EIF2S1: variants seen among roughly 807,000 people sequenced by gnomAD.
EIF2S1 encodes eukaryotic translation initiation factor 2 subunit 1.
In EIF2S1, 5 loss-of-function variants were observed where a neutral mutation model predicts 33.5. The observed-to-expected ratio is 0.15, with a 90% confidence interval of 0.08 to 0.31. The LOEUF (loss-of-function observed/expected upper bound fraction) is 0.31. Among genes scored for constraint, EIF2S1 ranks in the 10% least tolerant of loss-of-function variants. The pLI is 1.00. For missense variants in EIF2S1, 191 were observed against 384.6 expected (o/e 0.50, Z 4.21); for synonymous variants, 99 against 127.5 (o/e 0.78, Z 1.51).
Position 67,383,564 on chromosome 14 carries a change from T to C in EIF2S1, c.*124T>C. 8 of 1,370,776 alleles carry C rather than the reference T, an allele frequency of 5.8e-6. No homozygotes were observed. The highest frequency in any genetic ancestry group is 7.0e-6 in the Non-Finnish European group (7 of 1,000,630). The allele number at this position is 1,370,776 out of a possible 1,614,324, so 84.9% of individuals were successfully genotyped here. On this transcript the variant is annotated 3_prime_UTR_variant, in exon 8 of 8. Coordinates refer to ENST00000256383, the MANE Select transcript of EIF2S1 (RefSeq NM_004094.5). ...CTGAATATTTTTTATTTCTAAGTAT[T>C]TAAATGTTCTAACAGATCAGAACAT... is the stretch of plus-strand genomic sequence containing the variant.
At chr14:67,382,676 G>T (rs779837895) in intron 7 of EIF2S1, 86 bp downstream of exon 7, 1 of 1,484,294 alleles carries the variant, frequency 6.7e-7, no homozygotes, top group South Asian at 1.1e-5. Flanking sequence ...GTCGGCCTTG[G>T]AATGTCATAT....
intron 5 of EIF2S1, 77 bp from the exon 6 acceptor site, chr14:67,381,516 G>A: frequency 9.1e-7 from 1 of 1,101,966 alleles, no homozygotes; most frequent in Non-Finnish European, 1.4e-6. Flanking sequence ...TAATATATCT[G>A]CCACGTGTTT....
chr14:67,383,784 A>G lies in EIF2S1; in HGVS notation c.*344A>G, dbSNP rs1349634198. 3.3e-6 allele frequency: 1 copy of G among 299,284 alleles called. No individual in the cohort carries two copies. The highest frequency in any genetic ancestry group is 6.6e-6 in the Non-Finnish European group (1 of 152,610). 18.5% of individuals were successfully genotyped at this position (299,284 alleles called of 1,614,324 possible). Reference sequence around the variant, plus strand: ...ATGCCTCACGAGATTTGCCAGGGGCATCCAAGGCAAACAATCCCAATCTTT... The same window carrying G: ...ATGCCTCACGAGATTTGCCAGGGGCGTCCAAGGCAAACAATCCCAATCTTT... On this transcript the variant is annotated 3_prime_UTR_variant, in exon 8 of 8. Coordinates refer to ENST00000256383, the MANE Select transcript of EIF2S1 (RefSeq NM_004094.5).
chr14:67,364,754 G>C lies in EIF2S1; in HGVS notation c.-1-13G>C, dbSNP rs1286709373. On this transcript the variant is annotated splice_polypyrimidine_tract_variant and intron_variant, in intron 1 of 7. Coordinates refer to ENST00000256383, the MANE Select transcript of EIF2S1 (RefSeq NM_004094.5). ...AACTGAATACTTACTTAATTCTTTT[G>C]TTTAAATTGCAGAATGCCGGGTCTA... 6.9e-6 allele frequency: 11 copies of C among 1,589,514 alleles called. No homozygotes were observed. The highest frequency in any genetic ancestry group is 1.1e-5 in the South Asian group (1 of 87,746).
chr14:67,367,825 G>C (rs1369207033), intron 2 of EIF2S1, among the ~76,000 whole-genome samples: 1 of 150,944 alleles, frequency 6.6e-6, no homozygotes, highest in Non-Finnish European at 1.5e-5. Context: ...GATAGAACCA[G>C]ACCTTGTCTC....
chr14:67,362,468 T>C (rs970920534), intron 1 of EIF2S1, among the ~76,000 whole-genome samples: 2 of 152,250 alleles, frequency 1.3e-5, no homozygotes, highest in African/African-American at 4.8e-5. Flanking sequence ...GTTTTCAAAA[T>C]GTTTTTACGT....
intron 2 of EIF2S1, 136 bp from the exon 3 acceptor site, chr14:67,374,332 G>A (rs1018942936): frequency 4.1e-6 from 2 of 485,780 alleles, no homozygotes; most frequent in Non-Finnish European, 7.4e-6. Context: ...TACTTATGCA[G>A]TATTTTGTTG....
chr14:67,384,382 CAT>C lies in EIF2S1; in HGVS notation c.*943_*944del, dbSNP rs2085907248. On this transcript the variant is annotated 3_prime_UTR_variant, in exon 8 of 8. Coordinates refer to ENST00000256383, the MANE Select transcript of EIF2S1 (RefSeq NM_004094.5). The stretch of plus-strand genomic sequence containing the variant: ...ACTTACTGTTGTTTTTTTTTTTTTA[CAT>C]GTTTCCATCATTTCTGTCTTTAAGA... The C allele has an allele frequency of 7.0e-6, 1 of 143,774 alleles. No individual in the cohort carries two copies. The highest frequency in any genetic ancestry group is 1.5e-5 in the Non-Finnish European group (1 of 66,812). 8.9% of individuals were successfully genotyped at this position (143,774 alleles called of 1,614,324 possible).
At chr14:67,361,291 T>C (rs2141122314) in intron 1 of EIF2S1, among the ~76,000 whole-genome samples, 1 of 152,356 alleles carries the variant, frequency 6.6e-6, no homozygotes, top group Admixed American at 6.5e-5. Context: ...TGAGTTGTTA[T>C]TCAAGGAACA....
intron 5 of EIF2S1, 131 bp from the exon 6 acceptor site, chr14:67,381,462 A>T: frequency 4.3e-6 from 2 of 469,982 alleles, no homozygotes; most frequent in Non-Finnish European, 7.8e-6. Context: ...TAAATAAGGA[A>T]CTGCAGTATA....
At chr14:67,365,983 G>A (rs978973520) in intron 2 of EIF2S1, among the ~76,000 whole-genome samples, 8 of 151,858 alleles carry the variant, frequency 5.3e-5, no homozygotes, top group African/African-American at 1.9e-4. Flanking sequence ...CTATAGCCCC[G>A]CCCAAAATTA....
At position 67,374,500 on chromosome 14, in the gene EIF2S1, C is replaced by A; in HGVS notation, c.274C>A (p.Pro92Thr). 2 of 1,606,560 alleles carry A rather than the reference C, an allele frequency of 1.2e-6. No homozygotes were observed. Among genetic ancestry groups the A allele is most frequent in the South Asian group, 2.2e-5 (2 of 89,270 alleles). The change falls in exon 3 of 8, where the codon CCA becomes ACA. Residue 92 changes from proline (P) to threonine (T), a missense_variant. Coordinates refer to ENST00000256383, the MANE Select transcript of EIF2S1 (RefSeq NM_004094.5). ...YIDLSKRRVS[P>T]EEAIKCEDKF... ...TGATTTGTCAAAAAGAAGAGTTTCTCCAGAGGAAGCAATCAAATGTGAAGA... is the reference window on the plus strand; with the variant it reads ...TGATTTGTCAAAAAGAAGAGTTTCTACAGAGGAAGCAATCAAATGTGAAGA...
At chr14:67,382,332 C>T in intron 6 of EIF2S1, 115 bp from the exon 7 acceptor site, 1 of 914,512 alleles carries the variant, frequency 1.1e-6, no homozygotes, top group Non-Finnish European at 1.6e-6. Context: ...GTAGAATTGG[C>T]AATTACGTTT....
intron 1 of EIF2S1, among the ~76,000 whole-genome samples, chr14:67,361,979 C>T (rs1313681429): frequency 1.4e-5 from 2 of 147,100 alleles, no homozygotes; most frequent in African/African-American, 5.0e-5. Context: ...GTTTCCCACT[C>T]TATACTTAAT....
intron 4 of EIF2S1, among the ~76,000 whole-genome samples, chr14:67,379,060 T>G (rs2085872468): frequency 6.6e-6 from 1 of 152,238 alleles, no homozygotes; most frequent in Non-Finnish European, 1.5e-5. Flanking sequence ...TGATCCATAT[T>G]AATCTCTATA....
At chr14:67,382,361 C>G in intron 6 of EIF2S1, 86 bp from the exon 7 acceptor site, 1 of 1,257,384 alleles carries the variant, frequency 8.0e-7, no homozygotes, top group Non-Finnish European at 1.1e-6. Context: ...TTTGTTAATA[C>G]AGCAGATTAA....
rs2085846103 is a variant in EIF2S1, at chr14:67,374,454, A to AT, written c.242-7dup. On this transcript the variant is annotated splice_polypyrimidine_tract_variant and intron_variant, in intron 2 of 7. Coordinates refer to ENST00000256383, the MANE Select transcript of EIF2S1 (RefSeq NM_004094.5). ...TCTGGACAGAGATGATTTTTTCACAATTTTTTTGTACAGGATATATTGATT... is the reference window on the plus strand; with the variant it reads ...TCTGGACAGAGATGATTTTTTCACAATTTTTTTTGTACAGGATATATTGATT... The AT allele has an allele frequency of 6.4e-6, 10 of 1,561,980 alleles. No individual in the cohort carries two copies. The highest frequency in any genetic ancestry group is 1.2e-5 in the South Asian group (1 of 83,068).
At position 67,385,338 on chromosome 14, in the gene EIF2S1, C is replaced by G. The variant is rs1284128250; in HGVS notation, c.*1898C>G. The G allele has an allele frequency of 6.6e-6, 1 of 151,902 alleles. No individual in the cohort carries two copies. Among genetic ancestry groups the G allele is most frequent in the African/African-American group, 2.4e-5 (1 of 41,336 alleles). 9.4% of individuals were successfully genotyped at this position (151,902 alleles called of 1,614,324 possible). A position where few individuals can be genotyped will look rare whatever the true frequency, so the allele number is the denominator to read the frequency against. On this transcript the variant is annotated 3_prime_UTR_variant, in exon 8 of 8. Coordinates refer to ENST00000256383, the MANE Select transcript of EIF2S1 (RefSeq NM_004094.5). ...CAGGCATGGTAGCTCATGCCTGTAA[C>G]CCTGGCACTTAAGGGGCCAAGGCAG...
At chr14:67,364,700 G>GA in intron 1 of EIF2S1, 67 bp from the exon 2 acceptor site, 1 of 1,454,648 alleles carries the variant, frequency 6.9e-7, no homozygotes, top group Non-Finnish European at 9.2e-7. Flanking sequence ...GCAGGATGTG[G>GA]AAATTGATTT....
Sources: allele counts gnomAD v4.1 joint callset (sites outside exome capture counted in the v4.1 genomes callset), GRCh38; gene constraint gnomAD v4.1.1; transcripts MANE v1.5; gene names NCBI Gene and HGNC (gene_info 2026-07-23, HGNC 2026-07-21).